Variants in CCDC127 observed in about 807,000 individuals in gnomAD.
CCDC127 encodes coiled-coil domain-containing protein 127.
In CCDC127, 2 loss-of-function variants were observed where a neutral mutation model predicts 4.1. The observed-to-expected ratio is 0.49, with a 90% CI of 0.20 to 1.53. CCDC127 has a LOEUF of 1.53. Among genes scored for constraint, CCDC127 ranks in the 40% most tolerant of loss-of-function variants. The pLI is 0.23. For missense variants in CCDC127, 271 were observed against 322.9 expected (o/e 0.84, Z 1.23); for synonymous variants, 98 against 120.4 (o/e 0.81, Z 1.22).
In CCDC127 at chr5:198,769, C is replaced by T. The variant is rs1008301492; in HGVS notation, c.*6528G>A. On this transcript the variant is annotated 3_prime_UTR_variant, in exon 3 of 3. Coordinates refer to ENST00000296824, the MANE Select transcript of CCDC127 (RefSeq NM_145265.3). ...CAATCTTGTGACTCCAGTCCTGGGT[C>T]GCATGGCGTCTGTGGCCACACATCC... 1.4e-4 allele frequency: 22 copies of T among 152,422 alleles called. No homozygotes were observed. Among genetic ancestry groups the T allele is most frequent in the African/African-American group, 5.0e-4 (21 of 41,588 alleles). The allele number at this position is 152,422 out of a possible 1,614,324, so 9.4% of individuals were successfully genotyped here. A position where few individuals can be genotyped will look rare whatever the true frequency, so the allele number is the denominator to read the frequency against.
rs868693703 is a variant in CCDC127, at chr5:205,093, G to A, written c.*204C>T. 2.4e-5 allele frequency: 13 copies of A among 540,766 alleles called. No homozygotes were observed. The South Asian group carries it at 3.6e-4, about 15-fold the overall frequency. The allele number at this position is 540,766 out of a possible 1,614,324, so 33.5% of individuals were successfully genotyped here. ...GCTTCAAGAAACCATATCCCCAACA[G>A]CGGCAGAGCATCGGGAGGAGACCCT... is the stretch of plus-strand genomic sequence containing the variant. On this transcript the variant is annotated 3_prime_UTR_variant, in exon 3 of 3. Coordinates refer to ENST00000296824, the MANE Select transcript of CCDC127 (RefSeq NM_145265.3).
chr5:210,914 A>C (rs1734273980), intron 2 of CCDC127, among the ~76,000 whole-genome samples: 1 of 73,934 alleles, frequency 1.4e-5, no homozygotes, highest in Non-Finnish European at 2.4e-5. Context: ...GGCAGACGGG[A>C]CAGCACTGTG....
At position 198,924 on chromosome 5, in the gene CCDC127, G is replaced by A. The variant is rs1734018285; in HGVS notation, c.*6373C>T. The stretch of plus-strand genomic sequence containing the variant: ...GCAAAACCATTCAGCAGGTGAGAGT[G>A]CTGATCCAACCCAGCAAACATCCAT... On this transcript the variant is annotated 3_prime_UTR_variant, in exon 3 of 3. Coordinates refer to ENST00000296824, the MANE Select transcript of CCDC127 (RefSeq NM_145265.3). 1 of 152,298 alleles carries A rather than the reference G, an allele frequency of 6.6e-6. No individual in the cohort carries two copies. The highest frequency in any genetic ancestry group is 1.5e-5 in the Non-Finnish European group (1 of 68,074). 9.4% of individuals were successfully genotyped at this position (152,298 alleles called of 1,614,324 possible). A position where few individuals can be genotyped will look rare whatever the true frequency, so the allele number is the denominator to read the frequency against.
chr5:213,605 T>A (rs1352941717), intron 2 of CCDC127, among the ~76,000 whole-genome samples: 1 of 142,210 alleles, frequency 7.0e-6, no homozygotes, highest in African/African-American at 2.6e-5. Flanking sequence ...GACAGCAGTG[T>A]GAGCACGCTG....
chr5:208,231 G>C (rs73029486), intron 2 of CCDC127, among the ~76,000 whole-genome samples: 14,586 of 152,162 alleles, frequency 0.096, 2,276 homozygotes, highest in African/African-American at 0.33. Context: ...GACTCTGAAA[G>C]ATGGAGAGAA....
chr5:205,204 C>G lies in CCDC127; in HGVS notation c.*93G>C. 8.5e-7 allele frequency: 1 copy of G among 1,178,606 alleles called. No individual in the cohort carries two copies. The highest frequency in any genetic ancestry group is 1.5e-5 in the African/African-American group (1 of 65,488). 73.0% of individuals were successfully genotyped at this position (1,178,606 alleles called of 1,614,324 possible). A position where few individuals can be genotyped will look rare whatever the true frequency, so the allele number is the denominator to read the frequency against. On this transcript the variant is annotated 3_prime_UTR_variant, in exon 3 of 3. Transcript: ENST00000296824. ...GAAGGGTGACGGTGTGGCCATGACACGGGCAGCACGGGAACGGAAGACGCC... is the reference window on the plus strand; with the variant it reads ...GAAGGGTGACGGTGTGGCCATGACAGGGGCAGCACGGGAACGGAAGACGCC...
Position 197,038 on chromosome 5 carries a change from T to G in CCDC127, c.*8259A>C, listed in dbSNP as rs543300799. On this transcript the variant is annotated 3_prime_UTR_variant, in exon 3 of 3. Transcript: ENST00000296824. Reference sequence around the variant, plus strand: ...TAAGGAGGAGGTCAGCAAAAACGTGTGAGCAAAAGAATCTATGTCGTAATT... The same window carrying G: ...TAAGGAGGAGGTCAGCAAAAACGTGGGAGCAAAAGAATCTATGTCGTAATT... The G allele has an allele frequency of 7.3e-5, 11 of 150,650 alleles. No homozygotes were observed. Among genetic ancestry groups the G allele is most frequent in the African/African-American group, 2.7e-4 (11 of 40,292 alleles). The allele number at this position is 150,650 out of a possible 1,614,324, so 9.3% of individuals were successfully genotyped here.
At position 205,832 on chromosome 5, in the gene CCDC127, C is replaced by T. The variant is rs749617804; in HGVS notation, c.248G>A (p.Arg83His). The change falls in exon 3 of 3, where the codon CGT becomes CAT. Residue 83 changes from arginine (R) to histidine (H), a missense_variant. Around this residue, in one of 2 missense-constraint regions of CCDC127, gnomAD observed 265 missense variants for 270.9 expected, o/e 0.98. Transcript: ENST00000296824. The part of the protein sequence containing the change: ...KYHAMISENR[R>H]AVAQLSLELE... The stretch of plus-strand genomic sequence containing the variant: ...TTCCAAGGACAACTGAGCGACAGCA[C>T]GCCGATTTTCTGAGATCATGGCGTG... 38 of 1,614,036 alleles carry T rather than the reference C, an allele frequency of 2.4e-5. No homozygotes were observed. Among genetic ancestry groups the T allele is most frequent in the South Asian group, 2.2e-4 (20 of 91,084 alleles).
In CCDC127 at chr5:205,162, G is replaced by A; in HGVS notation, c.*135C>T. On this transcript the variant is annotated 3_prime_UTR_variant, in exon 3 of 3. Transcript: ENST00000296824. ...TGCACTTCTGCTCAGACGGTGGCGGGAGTGGAGGTCGCTGCTGAAGGGTGA... is the reference window on the plus strand; with the variant it reads ...TGCACTTCTGCTCAGACGGTGGCGGAAGTGGAGGTCGCTGCTGAAGGGTGA... The A allele has an allele frequency of 4.0e-6, 3 of 748,930 alleles. No homozygotes were observed. Among genetic ancestry groups the A allele is most frequent in the Non-Finnish European group, 6.5e-6 (3 of 460,976 alleles). The allele number at this position is 748,930 out of a possible 1,614,324, so 46.4% of individuals were successfully genotyped here. A position where few individuals can be genotyped will look rare whatever the true frequency, so the allele number is the denominator to read the frequency against.
In CCDC127 at chr5:197,104, C is replaced by T. The variant is rs540873078; in HGVS notation, c.*8193G>A. On this transcript the variant is annotated 3_prime_UTR_variant, in exon 3 of 3. Coordinates refer to ENST00000296824, the MANE Select transcript of CCDC127 (RefSeq NM_145265.3). ...TACTATGCCTGGACGTGCACGTAGG[C>T]CAGATTTATGTTTCTCTCCACCCAA... The T allele has an allele frequency of 1.2e-4, 19 of 152,126 alleles. No homozygotes were observed. The South Asian group carries it at 3.9e-3, about 32-fold the overall frequency. 9.4% of individuals were successfully genotyped at this position (152,126 alleles called of 1,614,324 possible). A position where few individuals can be genotyped will look rare whatever the true frequency, so the allele number is the denominator to read the frequency against.
intron 2 of CCDC127, among the ~76,000 whole-genome samples, chr5:208,202 A>T (rs1734215244): frequency 6.6e-6 from 1 of 152,156 alleles, no homozygotes; most frequent in South Asian, 2.1e-4. Context: ...AATCCTGGAC[A>T]TCATCTGTAA....
At chr5:207,286 G>A (rs1734195048) in intron 2 of CCDC127, among the ~76,000 whole-genome samples, 1 of 152,132 alleles carries the variant, frequency 6.6e-6, no homozygotes, top group Non-Finnish European at 1.5e-5. Flanking sequence ...AAAAATAGCT[G>A]CTAGTCCTAC....
At chr5:210,115 A>C (rs1734250977) in intron 2 of CCDC127, among the ~76,000 whole-genome samples, 1 of 152,260 alleles carries the variant, frequency 6.6e-6, no homozygotes, top group Non-Finnish European at 1.5e-5. Context: ...GCTGGAAAGA[A>C]GAAATACAAC....
intron 2 of CCDC127, 54 bp from the exon 3 acceptor site, chr5:206,012 A>C: frequency 6.8e-7 from 1 of 1,473,520 alleles, no homozygotes; most frequent in Admixed American, 2.0e-5. Flanking sequence ...CTGAAGTTCT[A>C]TAATCCTCAC....
chr5:214,153 GA>G (rs942244890), intron 2 of CCDC127: 2 of 152,224 alleles, frequency 1.3e-5, no homozygotes, highest in African/African-American at 2.4e-5. Flanking sequence ...TGGAGATGAA[GA>G]ACAGATCAGT....
chr5:205,251 C>T lies in CCDC127; in HGVS notation c.*46G>A. The T allele has an allele frequency of 2.6e-6, 4 of 1,545,178 alleles. No homozygotes were observed. Among genetic ancestry groups the T allele is most frequent in the Non-Finnish European group, 3.5e-6 (4 of 1,138,446 alleles). On this transcript the variant is annotated 3_prime_UTR_variant, in exon 3 of 3. Transcript: ENST00000296824. ...CGCCGGAGACCCAGAAGGCGCATGA[C>T]TGCCTGGCCTCGAGTCACTAAAAGC...
Position 205,147 on chromosome 5 carries a change from C to T in CCDC127, c.*150G>A. 1 of 679,376 alleles carries T rather than the reference C, an allele frequency of 1.5e-6. No individual in the cohort carries two copies. Among genetic ancestry groups the T allele is most frequent in the Non-Finnish European group, 2.5e-6 (1 of 405,394 alleles). The allele number at this position is 679,376 out of a possible 1,614,324, so 42.1% of individuals were successfully genotyped here. On this transcript the variant is annotated 3_prime_UTR_variant, in exon 3 of 3. Coordinates refer to ENST00000296824, the MANE Select transcript of CCDC127 (RefSeq NM_145265.3). ...TCTCTGAGGCTTCGGTGCACTTCTG[C>T]TCAGACGGTGGCGGGAGTGGAGGTC... is the stretch of plus-strand genomic sequence containing the variant.
At chr5:213,236 C>T (rs1734308948) in intron 2 of CCDC127, among the ~76,000 whole-genome samples, 3 of 85,376 alleles carry the variant, frequency 3.5e-5, no homozygotes, top group Admixed American at 1.1e-4. Flanking sequence ...ATGGGGCAGA[C>T]GGGACAGCAG....
At position 204,989 on chromosome 5, in the gene CCDC127, T is replaced by C. The variant is rs576157983; in HGVS notation, c.*308A>G. 7 of 242,180 alleles carry C rather than the reference T, an allele frequency of 2.9e-5. No individual in the cohort carries two copies. The South Asian group carries it at 1.0e-3, about 36-fold the overall frequency. The allele number at this position is 242,180 out of a possible 1,614,324, so 15.0% of individuals were successfully genotyped here. A position where few individuals can be genotyped will look rare whatever the true frequency, so the allele number is the denominator to read the frequency against. On this transcript the variant is annotated 3_prime_UTR_variant, in exon 3 of 3. Coordinates refer to ENST00000296824, the MANE Select transcript of CCDC127 (RefSeq NM_145265.3). ...AAGGACCAGTATTGTATTTGACTTT[T>C]TAAAAAACCATTTTTACCCTGGAGC... is the stretch of plus-strand genomic sequence containing the variant.
Sources: gnomAD v4.1 joint callset for allele counts (sites outside exome capture counted in the v4.1 genomes callset) on GRCh38, gnomAD v4.1.1 for gene constraint, gnomAD v4.1.1 regional missense constraint, MANE v1.5 for transcripts, NCBI Gene and HGNC (gene_info 2026-07-23, HGNC 2026-07-21) for gene names.